Variants in NRTN observed in about 807,000 individuals in gnomAD.
NRTN encodes prepro-neurturin.
In NRTN, 3 loss-of-function variants were observed where a neutral mutation model predicts 7.5. The observed-to-expected ratio is 0.40, with a 90% CI of 0.18 to 1.03. NRTN has a LOEUF of 1.03. Among genes scored for constraint, NRTN ranks in the 50% least tolerant of loss-of-function variants. The pLI is 0.34. For synonymous variants in NRTN, 157 were observed against 146.6 expected, an observed-to-expected ratio of 1.07 and a Z score of -0.51; for missense variants, 310 against 307.0, an observed-to-expected ratio of 1.01 and a Z score of -0.07.
chr19:5,817,892 C>A (rs369055674), intron 1 of NRTN, among the ~76,000 whole-genome samples: 1 of 152,138 alleles, frequency 6.6e-6, no homozygotes, highest in African/African-American at 2.4e-5. Context: ...CTCTGCCTCC[C>A]GGGTTCAAGC....
rs559155040 is a variant in NRTN at position 5,814,793 on chromosome 19, C to G, written c.-398-8975C>G. Among the ~76,000 whole-genome samples, 11 of 151,930 alleles carry G rather than the reference C, an allele frequency of 7.2e-5. No individual in the cohort carries two copies. In the East Asian group the frequency reaches 2.1e-3, roughly 29 times the overall value. Reference sequence around the variant, plus strand: ...TCCCCAGCTGTGGGGATTGTGTGGCCTCCAGCTAAAAGTGGAGGTCTGTCC... The same window carrying G: ...TCCCCAGCTGTGGGGATTGTGTGGCGTCCAGCTAAAAGTGGAGGTCTGTCC... On this transcript the variant is annotated intron_variant, in intron 1 of 2. Transcript: ENST00000303212.
intron 1 of NRTN, among the ~76,000 whole-genome samples, chr19:5,816,289 T>C (rs2057004949): frequency 6.6e-6 from 1 of 152,204 alleles, no homozygotes; most frequent in South Asian, 2.1e-4. Flanking sequence ...CCCTTTCCTT[T>C]GGCCCCTCCA....
rs1381409503 is a variant in NRTN, at chr19:5,805,086, G to A, written c.-764G>A. On this transcript the variant is annotated 5_prime_UTR_variant, in exon 1 of 3. Transcript: ENST00000303212. ...ACGGGCGGAGGCGGCGGGAGAGCGC[G>A]CCCTGAAGCCGCTCCGAGTGCCCAG... Among the ~76,000 whole-genome samples the A allele has an allele frequency of 2.7e-5, 4 of 146,208 alleles. No homozygotes were observed. Among genetic ancestry groups the A allele is most frequent in the East Asian group, 4.0e-4 (2 of 5,016 alleles).
At position 5,825,429 on chromosome 19, in the gene NRTN, C is replaced by T. The variant is rs956161425; in HGVS notation, c.169+1095C>T. 3.9e-5 allele frequency among the ~76,000 whole-genome samples: 6 copies of T among 152,326 alleles called. No individual in the cohort carries two copies. The East Asian group carries it at 5.8e-4, about 15-fold the overall frequency. On this transcript the variant is annotated intron_variant, in intron 2 of 2. Transcript: ENST00000303212. ...ACGAGTACGCCCATGTGCGCGTCTG[C>T]GCCCGCCCCTGCCAGCCCACACAAT...
At chr19:5,805,936 C>G (rs1368078308) in intron 1 of NRTN, among the ~76,000 whole-genome samples, 1 of 149,816 alleles carries the variant, frequency 6.7e-6, no homozygotes, top group African/African-American at 2.4e-5. Context: ...GGCGCGTTCC[C>G]TGCTCGCCGC....
At chr19:5,813,765 G>A (rs1014034679) in intron 1 of NRTN, among the ~76,000 whole-genome samples, 7 of 151,970 alleles carry the variant, frequency 4.6e-5, no homozygotes, top group African/African-American at 1.5e-4. Context: ...GCTTGAACTC[G>A]GGAGCCAGAG....
Position 5,823,781 on chromosome 19 carries a change from G to T in NRTN, c.-385G>T. Reference sequence around the variant, plus strand: ...CTGGCTCCTCAGCTGCAGCCGCTCCGGCCTCCTTGCTGTTCCTGGGATACG... The same window carrying T: ...CTGGCTCCTCAGCTGCAGCCGCTCCTGCCTCCTTGCTGTTCCTGGGATACG... On this transcript the variant is annotated 5_prime_UTR_variant, in exon 2 of 3. Transcript: ENST00000303212. The T allele has an allele frequency of 2.9e-6, 1 of 346,210 alleles. No homozygotes were observed. The highest frequency in any genetic ancestry group is 2.8e-5 in the South Asian group (1 of 35,228). 21.4% of individuals were successfully genotyped at this position (346,210 alleles called of 1,614,324 possible). A position where few individuals can be genotyped will look rare whatever the true frequency, so the allele number is the denominator to read the frequency against.
At chr19:5,821,432 G>A (rs2057024362) in intron 1 of NRTN, among the ~76,000 whole-genome samples, 1 of 150,338 alleles carries the variant, frequency 6.7e-6, no homozygotes, top group African/African-American at 2.4e-5. Context: ...AGCCTCCCGA[G>A]TAGCTGGGAT....
chr19:5,828,199 G>C lies in NRTN; in HGVS notation c.*26G>C. On this transcript the variant is annotated 3_prime_UTR_variant, in exon 3 of 3. Transcript: ENST00000303212. The stretch of plus-strand genomic sequence containing the variant: ...CCCTACCTCACTCGGCCGGCGCGGC[G>C]GCCACTCCCCCCGCCTCGACGGCAC... 6.5e-7 allele frequency: 1 copy of C among 1,527,772 alleles called. No homozygotes were observed. Among genetic ancestry groups the C allele is most frequent in the East Asian group, 2.5e-5 (1 of 40,312 alleles). 94.6% of individuals were successfully genotyped at this position (1,527,772 alleles called of 1,614,324 possible).
Position 5,805,410 on chromosome 19 carries a change from C to CA in NRTN, c.-440_-439insA, listed in dbSNP as rs1163963337. Reference sequence around the variant, plus strand: ...GCGGCGGCTGGGGCAGGGGCTGGGGCCGCGCGGCCGCCACTGACGGGTAGT... The same window carrying CA: ...GCGGCGGCTGGGGCAGGGGCTGGGGCACGCGCGGCCGCCACTGACGGGTAGT... On this transcript the variant is annotated 5_prime_UTR_variant, in exon 1 of 3. The change creates a premature stop within an existing upstream ORF in the 5' untranslated region. Transcript: ENST00000303212. 0.028 allele frequency among the ~76,000 whole-genome samples: 2 copies of CA among 72 alleles called. No homozygotes were observed. The highest frequency in any genetic ancestry group is 0.067 in the Non-Finnish European group (2 of 30). The allele number at this position is 72 out of a possible 152,430, so 0.0% of individuals were successfully genotyped here.
At chr19:5,811,005 G>A (rs975813566) in intron 1 of NRTN, among the ~76,000 whole-genome samples, 8 of 151,992 alleles carry the variant, frequency 5.3e-5, no homozygotes, top group African/African-American at 1.7e-4. Flanking sequence ...GGGAGTCTGA[G>A]GCAGGAGGAT....
chr19:5,823,082 A>T (rs1473832137), intron 1 of NRTN, among the ~76,000 whole-genome samples: 1 of 137,550 alleles, frequency 7.3e-6, no homozygotes, highest in African/African-American at 2.6e-5. Flanking sequence ...GAGAAAAAGA[A>T]AGAGAGAAGA....
At chr19:5,824,366 C>A in intron 2 of NRTN, 32 bp downstream of exon 2, 1 of 1,574,096 alleles carries the variant, frequency 6.4e-7, no homozygotes, top group Non-Finnish European at 8.6e-7. Flanking sequence ...GGTCAGATAC[C>A]CCCAACGTAA....
chr19:5,811,966 T>C (rs1292398064), intron 1 of NRTN, among the ~76,000 whole-genome samples: 1 of 151,900 alleles, frequency 6.6e-6, no homozygotes, highest in African/African-American at 2.4e-5. Flanking sequence ...GCCTCTTGGG[T>C]TCACGCCATT....
intron 1 of NRTN, among the ~76,000 whole-genome samples, chr19:5,810,606 A>G (rs1236826890): frequency 6.6e-6 from 1 of 152,030 alleles, no homozygotes; most frequent in Non-Finnish European, 1.5e-5. Context: ...TGGTGTTGTT[A>G]TTGTTGTTAG....
At chr19:5,814,559 G>C (rs137874659) in intron 1 of NRTN, among the ~76,000 whole-genome samples, 1 of 152,132 alleles carries the variant, frequency 6.6e-6, no homozygotes, top group Admixed American at 6.5e-5. Context: ...TGGGGAGTTC[G>C]GTGGGAAGGG....
intron 1 of NRTN, among the ~76,000 whole-genome samples, chr19:5,823,135 G>A (rs763913964): frequency 6.7e-6 from 1 of 150,062 alleles, no homozygotes; most frequent in South Asian, 2.1e-4. Context: ...AGAGAGAGGA[G>A]GCTGGGTGCG....
chr19:5,817,522 A>G (rs2057009193), intron 1 of NRTN, among the ~76,000 whole-genome samples: 1 of 133,642 alleles, frequency 7.5e-6, no homozygotes, highest in Non-Finnish European at 1.6e-5. Flanking sequence ...GGAGGGAGAG[A>G]GAGAGGAAGA....
chr19:5,824,008 G>A lies in NRTN; in HGVS notation c.-158G>A. 1.0e-6 allele frequency: 1 copy of A among 994,312 alleles called. No homozygotes were observed. The highest frequency in any genetic ancestry group is 2.6e-5 in the East Asian group (1 of 38,526). The allele number at this position is 994,312 out of a possible 1,614,324, so 61.6% of individuals were successfully genotyped here. A position where few individuals can be genotyped will look rare whatever the true frequency, so the allele number is the denominator to read the frequency against. ...AGGCCAACCCCTTCCTTGTTCAATG[G>A]TTCCTTGAGGGACCATTCCCATGTG... On this transcript the variant is annotated 5_prime_UTR_variant, in exon 2 of 3. Transcript: ENST00000303212.
Sources: allele counts gnomAD v4.1 joint callset (sites outside exome capture counted in the v4.1 genomes callset), GRCh38; gene constraint gnomAD v4.1.1; transcripts MANE v1.5; gene names NCBI Gene and HGNC (gene_info 2026-07-23, HGNC 2026-07-21).